Variants in GRIN3A observed in about 807,000 individuals in gnomAD.
GRIN3A encodes glutamate receptor ionotropic, NMDA 3A.
A neutral mutation model predicts 92.4 loss-of-function variants in GRIN3A; 47 were observed. The observed-to-expected ratio is 0.51, with a 90% CI of 0.40 to 0.65. The LOEUF (loss-of-function observed/expected upper bound fraction) is 0.65, where lower values mean the gene tolerates loss of function less well. Ranked by LOEUF, GRIN3A falls within the 30% of genes least tolerant of loss-of-function variation. The probability of loss-of-function intolerance (pLI) is 0.00; values close to 1 mark genes in which losing one functional copy is unlikely to be tolerated. For missense variants in GRIN3A, 1,324 were observed against 1,393.1 expected (o/e 0.95, Z 0.79); for synonymous variants, 527 against 540.6 (o/e 0.97, Z 0.35).
intron 6 of GRIN3A, among the ~76,000 whole-genome samples, chr9:101,609,874 T>A (rs6479058): frequency 0.064 from 9,776 of 152,250 alleles, 1,028 homozygotes; most frequent in African/African-American, 0.22. Context: ...ATTAAAAATC[T>A]TTTTTGTAAA....
At chr9:101,574,832 T>G (rs769828141) in intron 8 of GRIN3A, among the ~76,000 whole-genome samples, 2 of 152,208 alleles carry the variant, frequency 1.3e-5, no homozygotes, top group Non-Finnish European at 2.9e-5. Flanking sequence ...TGCTGCAATG[T>G]GAACAAGTCC....
intron 5 of GRIN3A, among the ~76,000 whole-genome samples, chr9:101,620,921 C>T (rs56366155): frequency 1.3e-5 from 2 of 152,054 alleles, no homozygotes; most frequent in East Asian, 3.9e-4. Flanking sequence ...AATTATTTCT[C>T]TCAATTAAAT....
intron 6 of GRIN3A, among the ~76,000 whole-genome samples, chr9:101,595,469 G>C (rs1828113573): frequency 6.6e-6 from 1 of 152,166 alleles, no homozygotes; most frequent in Admixed American, 6.5e-5. Flanking sequence ...CAAGGACACT[G>C]TATACTTGCT....
At chr9:101,675,519 C>T (rs547857015) in intron 2 of GRIN3A, among the ~76,000 whole-genome samples, 12 of 152,030 alleles carry the variant, frequency 7.9e-5, no homozygotes, top group African/African-American at 2.9e-4. Context: ...TCACTATGTG[C>T]CAGGCACTGT....
At chr9:101,659,920 C>T (rs1355688760) in intron 3 of GRIN3A, among the ~76,000 whole-genome samples, 4 of 151,850 alleles carry the variant, frequency 2.6e-5, no homozygotes, top group Non-Finnish European at 5.9e-5. Flanking sequence ...AAATAAGTTA[C>T]ATGTATATTT....
Position 101,737,699 on chromosome 9 carries a change from C to A in GRIN3A, c.281G>T (p.Gly94Val), listed in dbSNP as rs1830232280. ...GTRRSPAPSP[G>V]ARWLGSTLHG... The stretch of plus-strand genomic sequence containing the variant: ...CAGGGTGCTCCCCAACCAGCGTGCG[C>A]CCGGCGAGGGCGCCGGGGACCGCCT... Residue 94 changes from glycine to valine, a missense_variant, in exon 1 of 9, where the codon GGC (glycine) becomes GTC (valine). Gly to Val is a moderately radical substitution (Grantham distance 109, BLOSUM62 -3). Transcript: ENST00000361820. The A allele has an allele frequency of 6.5e-7, 1 of 1,546,724 alleles. No homozygotes were observed. The highest frequency in any genetic ancestry group is 1.4e-5 in the African/African-American group (1 of 73,122).
chr9:101,651,979 T>G lies in GRIN3A; in HGVS notation c.2352+18081A>C, dbSNP rs537920516. 1.4e-4 allele frequency among the ~76,000 whole-genome samples: 22 copies of G among 152,120 alleles called. No individual in the cohort carries two copies. The South Asian group carries it at 4.1e-3, about 29-fold the overall frequency. ...CTTAAATTTGATAAGATCTGTCTTT[T>G]TCATTCATTTAGTCTCCTACAACTC... On this transcript the variant is annotated intron_variant, in intron 3 of 8. Coordinates refer to ENST00000361820, the MANE Select transcript of GRIN3A (RefSeq NM_133445.3).
At chr9:101,623,019 C>CACACACACAA (rs1828579080) in intron 5 of GRIN3A, among the ~76,000 whole-genome samples, 2 of 151,904 alleles carry the variant, frequency 1.3e-5, no homozygotes, top group South Asian at 4.2e-4. Flanking sequence ...CACACACACA[C>CACACACACAA]ACAATACAGA....
At chr9:101,736,308 C>A (rs965548401) in intron 1 of GRIN3A, among the ~76,000 whole-genome samples, 5 of 152,182 alleles carry the variant, frequency 3.3e-5, no homozygotes, top group Non-Finnish European at 5.9e-5. Flanking sequence ...CAAGGCTTAA[C>A]ACAGCTTGAG....
At chr9:101,716,902 T>C (rs1319179609) in intron 1 of GRIN3A, among the ~76,000 whole-genome samples, 1 of 152,246 alleles carries the variant, frequency 6.6e-6, no homozygotes, top group African/African-American at 2.4e-5. Context: ...TATCTGGCAA[T>C]GTTCCCTGTG....
intron 3 of GRIN3A, among the ~76,000 whole-genome samples, chr9:101,636,424 G>T (rs1172118624): frequency 1.1e-4 from 16 of 152,096 alleles, no homozygotes; most frequent in Admixed American, 1.0e-3. Context: ...CATCCTTTGT[G>T]GTACATACAG....
chr9:101,613,189 A>G (rs746638097), intron 6 of GRIN3A, among the ~76,000 whole-genome samples, 187 bp downstream of exon 6: 3 of 152,186 alleles, frequency 2.0e-5, no homozygotes, highest in Non-Finnish European at 4.4e-5. Flanking sequence ...TCTAAGACAA[A>G]CCCACATCCC....
chr9:101,628,377 G>T lies in GRIN3A; in HGVS notation c.2377C>A (p.Arg793Ser), dbSNP rs144770241. 1.7e-4 allele frequency: 277 copies of T among 1,613,666 alleles called. 1 individual carries two copies. The highest frequency in any genetic ancestry group is 2.8e-5 in the Non-Finnish European group (33 of 1,179,778). ...CTGCTTTCTCGGACAGTTCCAAAGC[G>T]GAATCCTTGGGAAGGATGATGTAAC... ...PKLHHPSQGF[R>S]FGTVRESSAE... Residue 793 changes from arginine (R) to serine (S), a missense_variant, in exon 4 of 9, where the codon CGC becomes AGC. Transcript: ENST00000361820.
intron 1 of GRIN3A, among the ~76,000 whole-genome samples, chr9:101,689,626 A>G (rs1829587016): frequency 6.6e-6 from 1 of 152,142 alleles, no homozygotes; most frequent in African/African-American, 2.4e-5. Flanking sequence ...ATAGTTTAGA[A>G]GCATCTAATG....
chr9:101,585,728 A>G (rs964273012), intron 6 of GRIN3A, among the ~76,000 whole-genome samples: 1 of 152,118 alleles, frequency 6.6e-6, no homozygotes, highest in African/African-American at 2.4e-5. Flanking sequence ...CCAAGCCACC[A>G]TCCCCTCTCA....
Position 101,579,239 on chromosome 9 carries a change from A to G in GRIN3A, c.2888T>C (p.Ile963Thr). The stretch of plus-strand genomic sequence containing the variant: ...GTATTGCAGCTTGGATTTGTTTTTG[A>G]TTCGTGGTAGCAGCAGCCTGTATAC... Reference protein sequence around the residue: ...HIVYRLLLPRIKNKSKLQYWL... With the variant: ...HIVYRLLLPRTKNKSKLQYWL... The change falls in exon 7 of 9, where the codon ATC becomes ACC. Residue 963 changes from isoleucine (I) to threonine (T), a missense_variant. Ile to Thr is a moderately conservative substitution (Grantham distance 89). Transcript: ENST00000361820. 2 of 1,613,896 alleles carry G rather than the reference A, an allele frequency of 1.2e-6. No homozygotes were observed. Among genetic ancestry groups the G allele is most frequent in the South Asian group, 2.2e-5 (2 of 91,076 alleles).
rs1310859892 is a variant in GRIN3A, at chr9:101,694,630, C to T, written c.700-7430G>A. ...CATTTGACTCACTCATTCTCTGGGT[C>T]CTATTCTCCCAGCCCACTCATATAA... is the stretch of plus-strand genomic sequence containing the variant. On this transcript the variant is annotated intron_variant, in intron 1 of 8. Transcript: ENST00000361820. Among the ~76,000 whole-genome samples the T allele has an allele frequency of 2.6e-5, 4 of 152,256 alleles. No individual in the cohort carries two copies. In the East Asian group the frequency reaches 7.7e-4, roughly 29 times the overall value.
At chr9:101,728,668 T>TA (rs1021690143) in intron 1 of GRIN3A, among the ~76,000 whole-genome samples, 1 of 152,202 alleles carries the variant, frequency 6.6e-6, no homozygotes, top group Admixed American at 6.5e-5. Context: ...ACTCCACTGT[T>TA]ACTAAAATTT....
chr9:101,685,144 A>G (rs1459999852), intron 2 of GRIN3A, among the ~76,000 whole-genome samples: 1 of 152,162 alleles, frequency 6.6e-6, no homozygotes, highest in Non-Finnish European at 1.5e-5. Context: ...TTTATTAACA[A>G]CATTCTTTAA....
Sources: gnomAD v4.1 joint callset for allele counts (sites outside exome capture counted in the v4.1 genomes callset) on GRCh38, gnomAD v4.1.1 for gene constraint, MANE v1.5 for transcripts, NCBI Gene and HGNC (gene_info 2026-07-23, HGNC 2026-07-21) for gene names.